The following RYR2 variants were observed in gnomAD, a reference collection of about 807,000 sequenced individuals.
The protein encoded by RYR2 is ryanodine receptor 2, also known as cardiac muscle ryanodine receptor-calcium release channel.
In RYR2, 227 loss-of-function variants were observed where a neutral mutation model predicts 601.1. That is an observed-to-expected ratio of 0.38 (90% CI 0.34 to 0.42). The LOEUF is 0.42. Among genes scored for constraint, RYR2 ranks in the 10% least tolerant of loss-of-function variants. The pLI is 1.00. For missense variants in RYR2, 4,646 were observed against 6,156.5 expected (o/e 0.75, Z 8.21); for synonymous variants, 2,223 against 2,175.1 (o/e 1.02, Z -0.61).
intron 100 of RYR2, among the ~76,000 whole-genome samples, chr1:237,815,553 T>C (rs1218848836): frequency 6.6e-6 from 1 of 152,234 alleles, no homozygotes; most frequent in Non-Finnish European, 1.5e-5. Context: ...CTTTTCAGCA[T>C]GACTGTTAAG....
intron 63 of RYR2, among the ~76,000 whole-genome samples, chr1:237,695,976 G>C (rs539481066): frequency 7.9e-5 from 12 of 152,128 alleles, no homozygotes; most frequent in Non-Finnish European, 1.8e-4. Context: ...CACAGAATTT[G>C]TCTGGCTCCT....
intron 1 of RYR2, among the ~76,000 whole-genome samples, chr1:237,115,958 A>C (rs1030746871): frequency 2.0e-5 from 3 of 152,212 alleles, no homozygotes; most frequent in African/African-American, 7.2e-5. Flanking sequence ...AAATGGCTGA[A>C]ATATGAAAGA....
chr1:237,503,252 C>T (rs1033544740), intron 21 of RYR2, 37 bp from the exon 22 acceptor site: 7 of 1,531,116 alleles, frequency 4.6e-6, no homozygotes, highest in Admixed American at 1.9e-5. Context: ...TAATGTACAC[C>T]AGAGATAAAA....
chr1:237,276,572 A>G (rs1690309372), intron 2 of RYR2, among the ~76,000 whole-genome samples: 1 of 152,208 alleles, frequency 6.6e-6, no homozygotes, highest in African/African-American at 2.4e-5. Context: ...AATCATCAAC[A>G]TAGACAAACC....
At chr1:237,201,015 A>G (rs1681133956) in intron 1 of RYR2, among the ~76,000 whole-genome samples, 1 of 152,212 alleles carries the variant, frequency 6.6e-6, no homozygotes, top group Non-Finnish European at 1.5e-5. Flanking sequence ...CCCAAATCTC[A>G]TTACTTCTAT....
chr1:237,117,234 A>G (rs987520425), intron 1 of RYR2, among the ~76,000 whole-genome samples: 4 of 152,146 alleles, frequency 2.6e-5, no homozygotes, highest in Admixed American at 6.5e-5. Context: ...TGAGAAGTAC[A>G]GTAGAAGATG....
At chr1:237,210,122 T>G (rs200455144) in intron 1 of RYR2, among the ~76,000 whole-genome samples, 1 of 142,950 alleles carries the variant, frequency 7.0e-6, no homozygotes, top group Admixed American at 7.1e-5. Flanking sequence ...TATTGTTCTT[T>G]TATTTTTAAA....
At chr1:237,207,237 C>T (rs578101082) in intron 1 of RYR2, among the ~76,000 whole-genome samples, 132 of 152,112 alleles carry the variant, frequency 8.7e-4, no homozygotes, top group African/African-American at 3.1e-3. Flanking sequence ...GTGATGAGAG[C>T]TCCTGCCTTA....
At position 237,631,911 on chromosome 1, in the gene RYR2, G is replaced by A. The variant is rs183655065; in HGVS notation, c.6555+370G>A. On this transcript the variant is annotated intron_variant, in intron 42 of 104. Coordinates refer to ENST00000366574, the MANE Select transcript of RYR2 (RefSeq NM_001035.3). ...CCCTCCCGAAGTGCTGGGATTACAG[G>A]CGTGAGCCACCGCGCCCAGCCCAGA... is the stretch of plus-strand genomic sequence containing the variant. Among the ~76,000 whole-genome samples the A allele has an allele frequency of 4.3e-3, 650 of 151,870 alleles. 10 individuals carry two copies. Among genetic ancestry groups the A allele is most frequent in the Admixed American group, 0.011 (173 of 15,244 alleles).
At chr1:237,206,412 G>A (rs1458860086) in intron 1 of RYR2, among the ~76,000 whole-genome samples, 1 of 152,148 alleles carries the variant, frequency 6.6e-6, no homozygotes, top group Non-Finnish European at 1.5e-5. Flanking sequence ...TAGTGAAGTT[G>A]GATAGATAGC....
At chr1:237,044,488 C>A (rs1431561823) in intron 1 of RYR2, among the ~76,000 whole-genome samples, 2 of 152,128 alleles carry the variant, frequency 1.3e-5, no homozygotes, top group Non-Finnish European at 2.9e-5. Flanking sequence ...TGCCACTCAG[C>A]AGCTGCCTGT....
rs1678580604 is a variant in RYR2, at chr1:237,180,580, G to GTA, written c.49-89911_49-89910dup. On this transcript the variant is annotated intron_variant, in intron 1 of 104. Coordinates refer to ENST00000366574, the MANE Select transcript of RYR2 (RefSeq NM_001035.3). The surrounding 1 kb of genome is among the most constrained non-coding windows in gnomAD (Gnocchi z 5.3). Reference sequence around the variant, plus strand: ...CCCAAATATATATATGTGTGTGTGTGTATATATGTATATATAAGTATATAT... The same window carrying GTA: ...CCCAAATATATATATGTGTGTGTGTGTATATATATGTATATATAAGTATATAT... 6.9e-6 allele frequency among the ~76,000 whole-genome samples: 1 copy of GTA among 144,190 alleles called. No homozygotes were observed. The highest frequency in any genetic ancestry group is 2.6e-5 in the African/African-American group (1 of 38,218). 94.6% of individuals were successfully genotyped at this position (144,190 alleles called of 152,430 possible). A position where few individuals can be genotyped will look rare whatever the true frequency, so the allele number is the denominator to read the frequency against.
At chr1:237,764,356 A>C (rs549493423) in intron 84 of RYR2, among the ~76,000 whole-genome samples, 17 of 145,756 alleles carry the variant, frequency 1.2e-4, no homozygotes, top group African/African-American at 4.4e-4. Flanking sequence ...CCATCTGTTC[A>C]TATTCTTCAG....
At chr1:237,569,374 A>G in intron 29 of RYR2, 55 bp downstream of exon 29, 4 of 1,542,850 alleles carry the variant, frequency 2.6e-6, no homozygotes, top group South Asian at 2.3e-5. Flanking sequence ...GGAAGCTTTC[A>G]TCCTGAGGCT....
chr1:237,677,053 C>T (rs887546480), intron 60 of RYR2, among the ~76,000 whole-genome samples: 1 of 152,084 alleles, frequency 6.6e-6, no homozygotes, highest in African/African-American at 2.4e-5. Context: ...TTTACTTGTT[C>T]ATGGGGAGAG....
At chr1:237,074,802 G>C (rs1664801388) in intron 1 of RYR2, among the ~76,000 whole-genome samples, 2 of 152,158 alleles carry the variant, frequency 1.3e-5, no homozygotes, top group Non-Finnish European at 2.9e-5. Context: ...TGTTACGTTG[G>C]TGTGACTGGA....
Position 237,707,010 on chromosome 1 carries a change from C to G in RYR2, c.9642C>G (p.Leu3214=). 2 of 1,613,798 alleles carry G rather than the reference C, an allele frequency of 1.2e-6. No individual in the cohort carries two copies. Among genetic ancestry groups the G allele is most frequent in the Non-Finnish European group, 1.7e-6 (2 of 1,179,834 alleles). ...VCPNIPSLEK[L]MEEIVELAES... is the part of the protein sequence containing the mutation. Reference sequence around the variant, plus strand: ...CAAACATACCGTCTTTGGAGAAACTCATGGAAGAAATCGTGGAATTAGCCG... The same window carrying G: ...CAAACATACCGTCTTTGGAGAAACTGATGGAAGAAATCGTGGAATTAGCCG... Residue 3214 remains leucine, a synonymous_variant, in exon 68 of 105, where the codon CTC becomes CTG. Transcript: ENST00000366574.
At chr1:237,174,308 CA>C (rs891597629) in intron 1 of RYR2, among the ~76,000 whole-genome samples, 5 of 152,220 alleles carry the variant, frequency 3.3e-5, no homozygotes, top group Non-Finnish European at 5.9e-5. Context: ...TTAGTGGCAA[CA>C]TTAAAGAAAT....
chr1:237,389,957 G>C (rs552319450), intron 10 of RYR2, among the ~76,000 whole-genome samples: 4 of 152,282 alleles, frequency 2.6e-5, no homozygotes, highest in African/African-American at 9.6e-5. Flanking sequence ...TATGAAGGCT[G>C]TAAAGACCTG....
Sources: gnomAD v4.1 joint callset for allele counts (sites outside exome capture counted in the v4.1 genomes callset) on GRCh38, gnomAD v4.1.1 for gene constraint, Gnocchi (gnomAD v3.1) non-coding constraint, MANE v1.5 for transcripts, NCBI Gene and HGNC (gene_info 2026-07-23, HGNC 2026-07-21) for gene names.